The following COL4A2 variants were observed in gnomAD, a reference collection of about 807,000 sequenced individuals.
COL4A2 encodes collagen type IV alpha 2 chain.
COL4A2 carries 99 observed loss-of-function variants against 200.2 expected under a neutral mutation model. That is an observed-to-expected ratio of 0.49 (90% CI 0.42 to 0.58). The LOEUF (loss-of-function observed/expected upper bound fraction) is 0.58, where lower values mean the gene tolerates loss of function less well. COL4A2 is among the 20% of genes least tolerant of loss of function. COL4A2 has a pLI of 0.00. For synonymous variants in COL4A2, 897 were observed against 900.6 expected (o/e 1.00, Z 0.07); for missense variants, 1,950 against 2,314.1 (o/e 0.84, Z 3.23).
At chr13:110,364,364 GAGC>G (rs1448835543) in intron 4 of COL4A2, among the ~76,000 whole-genome samples, 2 of 152,198 alleles carry the variant, frequency 1.3e-5, no homozygotes, top group Non-Finnish European at 2.9e-5. Context: ...TTCTGTGGGT[GAGC>G]TCCAAACTGG....
At chr13:110,468,487 T>C (rs1882341508) in intron 27 of COL4A2, among the ~76,000 whole-genome samples, 1 of 152,170 alleles carries the variant, frequency 6.6e-6, no homozygotes. Flanking sequence ...GCTCCAGTGA[T>C]GCGAGTGTGG....
At chr13:110,490,608 C>G (rs1883255859) in intron 36 of COL4A2, among the ~76,000 whole-genome samples, 1 of 152,228 alleles carries the variant, frequency 6.6e-6, no homozygotes, top group African/African-American at 2.4e-5. Context: ...TATCTGTGAC[C>G]TGGGCTCCCG....
At chr13:110,430,752 A>C in intron 10 of COL4A2, 145 bp downstream of exon 10, 1 of 1,121,294 alleles carries the variant, frequency 8.9e-7, no homozygotes, top group Non-Finnish European at 1.4e-6. Flanking sequence ...TCAAGACAAA[A>C]CGGACCATTC....
At chr13:110,458,478 C>A (rs1881868313) in intron 21 of COL4A2, among the ~76,000 whole-genome samples, 1 of 152,246 alleles carries the variant, frequency 6.6e-6, no homozygotes, top group African/African-American at 2.4e-5. Context: ...ACCTCCTTCA[C>A]ACTCCCCGCA....
intron 46 of COL4A2, 133 bp downstream of exon 46, chr13:110,506,739 T>G: frequency 1.3e-5 from 12 of 932,038 alleles, no homozygotes; most frequent in Non-Finnish European, 1.9e-5. Context: ...TCCATCTACA[T>G]TCCTCGAGTG....
chr13:110,507,698 A>C, intron 46 of COL4A2: 1 of 585,318 alleles, frequency 1.7e-6, no homozygotes, highest in South Asian at 2.1e-5. Context: ...AACTTGGCCC[A>C]GTATGTGTGA....
rs193190216 is a variant in COL4A2, at chr13:110,313,001, C to T, written c.99+4878C>T. On this transcript the variant is annotated intron_variant, in intron 3 of 47. Transcript: ENST00000360467. ...ACCTGTGAGGGTGAGCCGGGGTCTCCGCTGTGATGCTGGGGATGAGAAAGC... is the reference window on the plus strand; with the variant it reads ...ACCTGTGAGGGTGAGCCGGGGTCTCTGCTGTGATGCTGGGGATGAGAAAGC... Among the ~76,000 whole-genome samples, 423 of 152,252 alleles carry T rather than the reference C, an allele frequency of 2.8e-3. 1 individual carries two copies. The highest frequency in any genetic ancestry group is 9.6e-3 in the African/African-American group (400 of 41,558).
Position 110,480,272 on chromosome 13 carries a change from G to T in COL4A2, c.2640G>T (p.Val880=). The T allele has an allele frequency of 1.2e-6, 2 of 1,613,760 alleles. No individual in the cohort carries two copies. Among genetic ancestry groups the T allele is most frequent in the Non-Finnish European group, 1.7e-6 (2 of 1,179,824 alleles). Reference sequence around the variant, plus strand: ...GGGACACAGGCGCTCCTGGCCCTGTGGGCATGAAAGGTCTCTCTGGTGACA... The same window carrying T: ...GGGACACAGGCGCTCCTGGCCCTGTTGGCATGAAAGGTCTCTCTGGTGACA... ...DPGDTGAPGP[V]GMKGLSGDRG... is the part of the protein sequence containing the mutation. The change falls in exon 31 of 48, where the codon GTG becomes GTT. Residue 880 remains valine (V), a synonymous_variant. Transcript: ENST00000360467.
chr13:110,375,729 T>G, intron 4 of COL4A2, among the ~76,000 whole-genome samples: 1 of 151,708 alleles, frequency 6.6e-6, no homozygotes, highest in East Asian at 1.9e-4. Context: ...ATTTGGGAGC[T>G]GAAGGCAGGA....
chr13:110,417,005 A>G (rs1440541458), intron 4 of COL4A2, among the ~76,000 whole-genome samples: 2 of 148,934 alleles, frequency 1.3e-5, no homozygotes, highest in African/African-American at 5.0e-5. Context: ...TTTTTGAGAC[A>G]GAGTCTCACT....
At chr13:110,393,724 T>TA (rs1167684551) in intron 4 of COL4A2, among the ~76,000 whole-genome samples, 2 of 151,560 alleles carry the variant, frequency 1.3e-5, no homozygotes, top group African/African-American at 4.9e-5. Context: ...ACTAAAAATA[T>TA]AAAAAATAGA....
In COL4A2 at chr13:110,489,733, T is replaced by C. The variant is rs1187212549; in HGVS notation, c.3294T>C (p.Asn1098=). The C allele has an allele frequency of 2.5e-6, 4 of 1,613,948 alleles. No homozygotes were observed. In the African/African-American group the frequency reaches 4.0e-5, roughly 16 times the overall value. The change falls in exon 36 of 48, where the codon AAT becomes AAC. Residue 1098 remains asparagine (N), a synonymous_variant. Coordinates refer to ENST00000360467, the MANE Select transcript of COL4A2 (RefSeq NM_001846.4). Reference sequence around the variant, plus strand: ...CAGGTGACATCGGGGACACTATAAATTTACCAGGAAGACCAGGCCTGAAGG... The same window carrying C: ...CAGGTGACATCGGGGACACTATAAACTTACCAGGAAGACCAGGCCTGAAGG... ...GDFGDIGDTI[N]LPGRPGLKGE...
intron 3 of COL4A2, among the ~76,000 whole-genome samples, chr13:110,321,902 C>T (rs1033703451): frequency 3.3e-5 from 5 of 152,204 alleles, no homozygotes; most frequent in Non-Finnish European, 7.3e-5. Flanking sequence ...ATTCAGTTAG[C>T]TCCACCTGGC....
intron 3 of COL4A2, among the ~76,000 whole-genome samples, chr13:110,325,958 G>A (rs1220406501): frequency 6.6e-6 from 1 of 151,904 alleles, no homozygotes; most frequent in Non-Finnish European, 1.5e-5. Flanking sequence ...TAATTTTTTG[G>A]TATTTTTAGT....
chr13:110,511,026 T>A (rs939111358), intron 47 of COL4A2, among the ~76,000 whole-genome samples: 1 of 152,088 alleles, frequency 6.6e-6, no homozygotes, highest in Non-Finnish European at 1.5e-5. Context: ...CCTGCCCAAA[T>A]ATATCATAGA....
At position 110,506,406 on chromosome 13, in the gene COL4A2, G is replaced by A. The variant is rs1213227877; in HGVS notation, c.4403-9G>A. The A allele has an allele frequency of 1.3e-5, 21 of 1,600,356 alleles. No homozygotes were observed. The highest frequency in any genetic ancestry group is 4.1e-5 in the African/African-American group (3 of 74,024). ...AGGCCGTCCACTCTCTCTCTTTCTC[G>A]GGCTGCAGGTGCACCAGGCCGTCCA... On this transcript the variant is annotated splice_polypyrimidine_tract_variant and intron_variant, in intron 45 of 47. Transcript: ENST00000360467.
intron 4 of COL4A2, among the ~76,000 whole-genome samples, chr13:110,401,340 G>C (rs1418741264): frequency 6.6e-6 from 1 of 152,188 alleles, no homozygotes; most frequent in Non-Finnish European, 1.5e-5. Flanking sequence ...TCAAAATGAA[G>C]AAGAGTAGTT....
chr13:110,323,599 T>C (rs1443634029), intron 3 of COL4A2, among the ~76,000 whole-genome samples: 2 of 152,236 alleles, frequency 1.3e-5, no homozygotes, highest in African/African-American at 4.8e-5. Context: ...CCCTACCTGC[T>C]ACCTGCAGTA....
In COL4A2 at chr13:110,394,420, T is replaced by C. The variant is rs113838529; in HGVS notation, c.181-30314T>C. 1.7e-3 allele frequency among the ~76,000 whole-genome samples: 257 copies of C among 152,270 alleles called. 1 individual carries two copies. Among genetic ancestry groups the C allele is most frequent in the African/African-American group, 5.9e-3 (245 of 41,548 alleles). ...GACAGTCACATGACATTCGCACAAG[T>C]AGAGAGAGGAACGTTGACTTCTGAG... On this transcript the variant is annotated intron_variant, in intron 4 of 47. Coordinates refer to ENST00000360467, the MANE Select transcript of COL4A2 (RefSeq NM_001846.4).
Sources: gnomAD v4.1 joint callset for allele counts (sites outside exome capture counted in the v4.1 genomes callset) on GRCh38, gnomAD v4.1.1 for gene constraint, MANE v1.5 for transcripts, NCBI Gene and HGNC (gene_info 2026-07-23, HGNC 2026-07-21) for gene names.